Variants in ENTREP2 observed in about 807,000 individuals in gnomAD.
The protein encoded by ENTREP2 is protein ENTREP2.
the ENTREP2 span, among the ~76,000 whole-genome samples, chr15:29,414,193 T>C: frequency 6.6e-6 from 1 of 152,118 alleles, no homozygotes; most frequent in South Asian, 2.1e-4. Context: ...CAACAGAATA[T>C]ATATTCTTTT....
the ENTREP2 span, among the ~76,000 whole-genome samples, chr15:29,294,166 C>T: frequency 6.6e-6 from 1 of 152,170 alleles, no homozygotes; most frequent in Non-Finnish European, 1.5e-5. Context: ...GCCCCAGCCC[C>T]AGGAGCTGGG....
At chr15:29,264,166 G>A in the ENTREP2 span, among the ~76,000 whole-genome samples, 1,626 of 45,074 alleles carry the variant, frequency 0.036, 32 homozygotes, top group Middle Eastern at 0.062. Flanking sequence ...AAAAAAAAAA[G>A]AACTCCCTCT....
chr15:29,194,348 A>C, the ENTREP2 span, among the ~76,000 whole-genome samples: 1 of 152,184 alleles, frequency 6.6e-6, no homozygotes, highest in Non-Finnish European at 1.5e-5. Context: ...CCACTTCCAG[A>C]CCATTGGCCT....
chr15:29,261,723 T>C, the ENTREP2 span, among the ~76,000 whole-genome samples: 2 of 151,958 alleles, frequency 1.3e-5, no homozygotes, highest in Non-Finnish European at 2.9e-5. Flanking sequence ...AATCCAAATA[T>C]TGGAAAATTT....
the ENTREP2 span, among the ~76,000 whole-genome samples, chr15:29,466,321 C>T: frequency 2.0e-5 from 3 of 152,178 alleles, no homozygotes; most frequent in Non-Finnish European, 4.4e-5. Context: ...TGGAGATGGT[C>T]AGCAGAGAAG....
the ENTREP2 span, among the ~76,000 whole-genome samples, chr15:29,279,654 C>T: frequency 1.3e-5 from 2 of 152,090 alleles, no homozygotes; most frequent in Admixed American, 6.5e-5. Flanking sequence ...TGAGCCACCG[C>T]GCCTGGCCTC....
the ENTREP2 span, among the ~76,000 whole-genome samples, chr15:29,414,519 T>C: frequency 6.6e-6 from 1 of 152,132 alleles, no homozygotes; most frequent in African/African-American, 2.4e-5. Flanking sequence ...GGGAAATTTA[T>C]AGCACTAAAT....
chr15:29,144,323 A>C, the ENTREP2 span, among the ~76,000 whole-genome samples: 2 of 152,344 alleles, frequency 1.3e-5, no homozygotes, highest in East Asian at 3.9e-4. Context: ...CAAACTACCA[A>C]AACAGACTTG....
At chr15:29,612,266 TC>T in the ENTREP2 span, among the ~76,000 whole-genome samples, 1 of 152,184 alleles carries the variant, frequency 6.6e-6, no homozygotes, top group East Asian at 1.9e-4. Flanking sequence ...TTTTGTGGGT[TC>T]CTCAGCTCTA....
chr15:29,543,889 T>C, the ENTREP2 span, among the ~76,000 whole-genome samples: 2 of 152,096 alleles, frequency 1.3e-5, no homozygotes, highest in African/African-American at 4.8e-5. Flanking sequence ...CAAAATGATG[T>C]CAAATTTTCC....
the ENTREP2 span, chr15:29,267,486 A>G: frequency 6.6e-6 from 1 of 152,192 alleles, no homozygotes; most frequent in Non-Finnish European, 1.5e-5. Flanking sequence ...CACAACCACC[A>G]TGCTGACAAG....
chr15:29,375,697 C>T, the ENTREP2 span: 1 of 152,168 alleles, frequency 6.6e-6, no homozygotes, highest in Non-Finnish European at 1.5e-5. Context: ...TTCTGTGCTG[C>T]CATCTAACTA....
the ENTREP2 span, among the ~76,000 whole-genome samples, chr15:29,399,805 T>C: frequency 3.9e-5 from 6 of 152,316 alleles, no homozygotes; most frequent in South Asian, 1.2e-3. Flanking sequence ...AAGAAAATGC[T>C]ATTAAGAAAG....
the ENTREP2 span, chr15:29,266,167 G>C: frequency 1.3e-5 from 2 of 152,142 alleles, no homozygotes; most frequent in Non-Finnish European, 2.9e-5. Flanking sequence ...ACTCAAAAAG[G>C]AGTGAGAGCA....
At chr15:29,241,443 G>C in the ENTREP2 span, among the ~76,000 whole-genome samples, 1 of 152,138 alleles carries the variant, frequency 6.6e-6, no homozygotes, top group Non-Finnish European at 1.5e-5. Flanking sequence ...CACAAAAATG[G>C]ATACATCATA....
chr15:29,672,469 A>G, the ENTREP2 span, among the ~76,000 whole-genome samples: 1 of 149,882 alleles, frequency 6.7e-6, no homozygotes, highest in East Asian at 1.9e-4. Flanking sequence ...TGCATTCTCT[A>G]TTTTTTTTTT....
the ENTREP2 span, among the ~76,000 whole-genome samples, chr15:29,510,964 C>T: frequency 1.3e-5 from 2 of 152,094 alleles, no homozygotes; most frequent in African/African-American, 4.8e-5. Context: ...ACCACATATT[C>T]TCACTCATAA....
At chr15:29,652,779 C>T in the ENTREP2 span, among the ~76,000 whole-genome samples, 2 of 152,192 alleles carry the variant, frequency 1.3e-5, no homozygotes, top group South Asian at 2.1e-4. Context: ...GTGCAGCGGC[C>T]GGACTCCACA....
chr15:29,331,932 C>A, the ENTREP2 span, among the ~76,000 whole-genome samples: 1 of 152,182 alleles, frequency 6.6e-6, no homozygotes, highest in Non-Finnish European at 1.5e-5. Flanking sequence ...AGGGGAGGGA[C>A]ACCGAATCAT....
Sources: allele counts gnomAD v4.1 joint callset (sites outside exome capture counted in the v4.1 genomes callset), GRCh38; gene constraint gnomAD v4.1.1; transcripts MANE v1.5; gene names NCBI Gene and HGNC (gene_info 2026-07-23, HGNC 2026-07-21).